Variants in FILIP1 observed in about 807,000 individuals in gnomAD.
FILIP1 encodes the protein filamin A interacting protein 1.
FILIP1 carries 61 observed loss-of-function variants against 102.1 expected under a neutral mutation model. That is an observed-to-expected ratio of 0.60 (90% CI 0.49 to 0.74). The LOEUF is 0.74. Ranked by LOEUF, FILIP1 falls within the 30% of genes least tolerant of loss-of-function variation. The pLI is 0.00. For missense variants in FILIP1, 1,314 were observed against 1,441.2 expected, an observed-to-expected ratio of 0.91 and a Z score of 1.43; for synonymous variants, 491 against 526.9, an observed-to-expected ratio of 0.93 and a Z score of 0.93.
chr6:75,325,438 C>A (rs1439543198), intron 4 of FILIP1, among the ~76,000 whole-genome samples: 2 of 151,984 alleles, frequency 1.3e-5, no homozygotes, highest in African/African-American at 4.8e-5. Context: ...CAAAACAAAA[C>A]AAAACAGCAG....
Position 75,406,230 on chromosome 6 carries a change from T to C in FILIP1, c.276+8467A>G, listed in dbSNP as rs77677550. On this transcript the variant is annotated intron_variant, in intron 2 of 5. Coordinates refer to ENST00000237172, the MANE Select transcript of FILIP1 (RefSeq NM_015687.5). ...TTTGTGGGAAAGGAGGACCTCTTAT[T>C]TGTAGTCTGTAAATGGAGGTGTCGT... 8.5e-3 allele frequency among the ~76,000 whole-genome samples: 1,291 copies of C among 152,262 alleles called. 36 individuals carry two copies. The East Asian group carries it at 0.11, about 13-fold the overall frequency.
chr6:75,363,141 G>C (rs745457104), intron 2 of FILIP1: 26 of 466,780 alleles, frequency 5.6e-5, no homozygotes, highest in Non-Finnish European at 9.2e-5. Flanking sequence ...AAAAGGATTT[G>C]TGCTAATATT....
At position 75,313,393 on chromosome 6, in the gene FILIP1, T is replaced by G. The variant is rs1773285090; in HGVS notation, c.2439A>C (p.Glu813Asp). ...CAGCTGGCGTTTCTTCCTCTGCTGC[T>G]TCACCGCTGACTGCATCAGTTTGGA... is the stretch of plus-strand genomic sequence containing the variant. ...TGVQTDAVSG[E>D]AAEEETPAVF... The change falls in exon 5 of 6, where the codon GAA becomes GAC. Residue 813 changes from glutamate to aspartate, a missense_variant. By Grantham distance (45) the Glu-to-Asp change is conservative. Coordinates refer to ENST00000237172, the MANE Select transcript of FILIP1 (RefSeq NM_015687.5). The surrounding 1 kb of genome is among the most constrained non-coding windows in gnomAD (Gnocchi z 4.2). 1 of 1,614,218 alleles carries G rather than the reference T, an allele frequency of 6.2e-7. No individual in the cohort carries two copies. Among genetic ancestry groups the G allele is most frequent in the Non-Finnish European group, 8.5e-7 (1 of 1,180,038 alleles).
At chr6:75,409,031 C>A (rs539974498) in intron 2 of FILIP1, among the ~76,000 whole-genome samples, 1 of 152,244 alleles carries the variant, frequency 6.6e-6, no homozygotes, top group South Asian at 2.1e-4. Context: ...GTAAAAAAAA[C>A]CTTAAATTTC....
chr6:75,474,676 A>G (rs1779422838), intron 1 of FILIP1, among the ~76,000 whole-genome samples: 1 of 151,912 alleles, frequency 6.6e-6, no homozygotes, highest in Admixed American at 6.6e-5. Flanking sequence ...AAACTATTAT[A>G]CTCATTAGGT....
At chr6:75,318,745 T>C (rs1773531960) in intron 4 of FILIP1, among the ~76,000 whole-genome samples, 1 of 152,168 alleles carries the variant, frequency 6.6e-6, no homozygotes. Context: ...CCATATATAA[T>C]TAATTTGTGC....
chr6:75,413,784 GA>G lies in FILIP1; in HGVS notation c.276+912del, dbSNP rs35853449. On this transcript the variant is annotated intron_variant, in intron 2 of 5. Transcript: ENST00000237172. ...CCACTCTTTAAGTCATCTTCTCCAGGAAAAAAAAAAAAAAAGTATTGTTCCT... is the reference window on the plus strand; with the variant it reads ...CCACTCTTTAAGTCATCTTCTCCAGGAAAAAAAAAAAAAAGTATTGTTCCT... 4.1e-3 allele frequency among the ~76,000 whole-genome samples: 563 copies of G among 136,488 alleles called. 2 individuals are homozygous for G. Among genetic ancestry groups the G allele is most frequent in the Middle Eastern group, 0.011 (3 of 276 alleles). 89.5% of individuals were successfully genotyped at this position (136,488 alleles called of 152,430 possible). A position where few individuals can be genotyped will look rare whatever the true frequency, so the allele number is the denominator to read the frequency against.
intron 2 of FILIP1, among the ~76,000 whole-genome samples, chr6:75,382,934 C>G (rs1775952002): frequency 1.3e-5 from 2 of 152,180 alleles, no homozygotes; most frequent in African/African-American, 2.4e-5. Flanking sequence ...TATATTTAAA[C>G]CTTTCAGGAG....
At chr6:75,303,095 C>CAGAAGG (rs1435921351), downstream of FILIP1, among the ~76,000 whole-genome samples, 3 of 152,030 alleles carry the variant, frequency 2.0e-5, no homozygotes, top group South Asian at 2.1e-4. Flanking sequence ...TGAATGAGGG[C>CAGAAGG]AGAAGGAGAA....
intron 2 of FILIP1, among the ~76,000 whole-genome samples, chr6:75,401,446 G>C (rs1190889723): frequency 2.0e-5 from 3 of 151,758 alleles, no homozygotes; most frequent in African/African-American, 7.3e-5. Context: ...TTATCCCTTT[G>C]CTTCATCCAT....
At chr6:75,426,453 T>A (rs1030335990) in intron 1 of FILIP1, among the ~76,000 whole-genome samples, 4 of 152,152 alleles carry the variant, frequency 2.6e-5, no homozygotes, top group Admixed American at 6.5e-5. Flanking sequence ...TAGCCATATG[T>A]GACTGTAGAA....
chr6:75,382,560 T>C (rs1288252034), intron 2 of FILIP1, among the ~76,000 whole-genome samples: 1 of 152,204 alleles, frequency 6.6e-6, no homozygotes, highest in Non-Finnish European at 1.5e-5. Flanking sequence ...TTGCTATTCT[T>C]AAACTGTTAA....
chr6:75,333,666 A>G (rs1774150852), intron 4 of FILIP1, among the ~76,000 whole-genome samples: 1 of 152,190 alleles, frequency 6.6e-6, no homozygotes, highest in Non-Finnish European at 1.5e-5. Context: ...AAATTTCTAT[A>G]AAACGGGTCA....
chr6:75,431,648 AG>A (rs1455733724), intron 1 of FILIP1, among the ~76,000 whole-genome samples: 3 of 152,192 alleles, frequency 2.0e-5, no homozygotes, highest in Non-Finnish European at 4.4e-5. Context: ...AACCAGAGTG[AG>A]GGTGTAGCAT....
intron 1 of FILIP1, among the ~76,000 whole-genome samples, chr6:75,429,764 A>G (rs139141921): frequency 6.6e-6 from 1 of 152,336 alleles, no homozygotes; most frequent in East Asian, 1.9e-4. Flanking sequence ...TAGTTCAGGT[A>G]GAAATGAAGT....
intron 4 of FILIP1, among the ~76,000 whole-genome samples, chr6:75,323,240 T>G (rs1052287453): frequency 3.9e-5 from 6 of 152,196 alleles, no homozygotes; most frequent in African/African-American, 7.2e-5. Context: ...AAATGTGAGT[T>G]TAGAATTTAA....
At chr6:75,361,548 G>A (rs1775173895) in intron 3 of FILIP1, among the ~76,000 whole-genome samples, 1 of 152,132 alleles carries the variant, frequency 6.6e-6, no homozygotes, top group Admixed American at 6.5e-5. Context: ...AACCAATTAA[G>A]GGTATGAGCA....
chr6:75,435,563 C>T (rs1777991131), intron 1 of FILIP1, among the ~76,000 whole-genome samples: 1 of 152,198 alleles, frequency 6.6e-6, no homozygotes, highest in Non-Finnish European at 1.5e-5. Flanking sequence ...TATGGCCTCT[C>T]AAACTCTGCT....
Position 75,476,284 on chromosome 6 carries a change from G to A in FILIP1, c.-7+17130C>T, listed in dbSNP as rs142422571. 3.4e-3 allele frequency among the ~76,000 whole-genome samples: 517 copies of A among 151,246 alleles called. 2 individuals carry two copies. Among genetic ancestry groups the A allele is most frequent in the Non-Finnish European group, 5.8e-3 (394 of 67,892 alleles). On this transcript the variant is annotated intron_variant, in intron 1 of 5. Transcript: ENST00000237172. ...GTGACATTGATGATCATCATATTCA[G>A]GTGACAGCTTAGAGATTGGGTCTTA...
Sources: gnomAD v4.1 joint callset for allele counts (sites outside exome capture counted in the v4.1 genomes callset) on GRCh38, gnomAD v4.1.1 for gene constraint, Gnocchi (gnomAD v3.1) non-coding constraint, MANE v1.5 for transcripts, NCBI Gene and HGNC (gene_info 2026-07-23, HGNC 2026-07-21) for gene names.